The following ZNF385D variants were observed in gnomAD, a reference collection of about 807,000 sequenced individuals.
ZNF385D encodes zinc finger protein 385D.
In ZNF385D, 15 loss-of-function variants were observed where a neutral mutation model predicts 35.8. The observed-to-expected ratio is 0.42, with a 90% CI of 0.28 to 0.64. The LOEUF (loss-of-function observed/expected upper bound fraction) is 0.64. Among genes scored for constraint, ZNF385D ranks in the 30% least tolerant of loss-of-function variants. ZNF385D has a pLI of 0.23. For synonymous variants in ZNF385D, 212 were observed against 186.8 expected (o/e 1.13, Z -1.10); for missense variants, 474 against 494.6 (o/e 0.96, Z 0.39).
At chr3:22,116,496 A>G (rs1163186404) in intron 3 of ZNF385D, among the ~76,000 whole-genome samples, 1 of 152,126 alleles carries the variant, frequency 6.6e-6, no homozygotes, top group African/African-American at 2.4e-5. Context: ...TGTACACAAT[A>G]AAATGTAGTA....
At chr3:21,559,945 A>T (rs143540186) in intron 3 of ZNF385D, among the ~76,000 whole-genome samples, 5 of 152,112 alleles carry the variant, frequency 3.3e-5, no homozygotes, top group Non-Finnish European at 5.9e-5. Flanking sequence ...TGTTTGATCA[A>T]TTCGGCTATT....
At chr3:21,759,888 A>T (rs531715154) in intron 3 of ZNF385D, among the ~76,000 whole-genome samples, 2 of 152,254 alleles carry the variant, frequency 1.3e-5, no homozygotes, top group South Asian at 2.1e-4. Context: ...GATAACAACT[A>T]TCTAGAGTGA....
intron 4 of ZNF385D, among the ~76,000 whole-genome samples, chr3:21,448,487 T>C (rs2125270982): frequency 6.6e-6 from 1 of 152,272 alleles, no homozygotes; most frequent in Non-Finnish European, 1.5e-5. Context: ...TTCAAAGTAG[T>C]TTCCATGTTG....
rs898681178 is a variant in ZNF385D at position 22,193,527 on chromosome 3, A to G, written c.107-24492T>C. ...TATGGGTTAAATGAATTTTAGCAGAATTATTTCCTGTAGAATCTTTACTGT... is the reference window on the plus strand; with the variant it reads ...TATGGGTTAAATGAATTTTAGCAGAGTTATTTCCTGTAGAATCTTTACTGT... On this transcript the variant is annotated intron_variant, in intron 2 of 5. Transcript: ENST00000494108. Among the ~76,000 whole-genome samples the G allele has an allele frequency of 8.5e-5, 13 of 152,194 alleles. No individual in the cohort carries two copies. The East Asian group carries it at 2.5e-3, about 29-fold the overall frequency.
At chr3:21,873,166 T>C (rs911059976) in intron 3 of ZNF385D, among the ~76,000 whole-genome samples, 2 of 152,162 alleles carry the variant, frequency 1.3e-5, no homozygotes, top group Non-Finnish European at 2.9e-5. Flanking sequence ...GATGGAAAGA[T>C]AAAGCTATGG....
chr3:22,255,557 A>T (rs901008195), intron 2 of ZNF385D, among the ~76,000 whole-genome samples: 1 of 151,866 alleles, frequency 6.6e-6, no homozygotes, highest in Middle Eastern at 3.2e-3. Flanking sequence ...AAAGACTTGT[A>T]AAGTTTTTAA....
chr3:22,371,171 G>A (rs1696886639), intron 2 of ZNF385D, among the ~76,000 whole-genome samples: 1 of 152,176 alleles, frequency 6.6e-6, no homozygotes, highest in African/African-American at 2.4e-5. Flanking sequence ...TAGTGTGACT[G>A]AATTACCAGC....
chr3:21,555,983 C>G (rs2062720654), intron 3 of ZNF385D, among the ~76,000 whole-genome samples: 1 of 151,290 alleles, frequency 6.6e-6, no homozygotes, highest in African/African-American at 2.4e-5. Context: ...GCTTTTTTTC[C>G]ATGTTTGTTG....
chr3:21,665,529 G>C (rs1242283955), intron 1 of ZNF385D, among the ~76,000 whole-genome samples: 1 of 152,132 alleles, frequency 6.6e-6, no homozygotes, highest in Non-Finnish European at 1.5e-5. Flanking sequence ...CTCGAACTCA[G>C]GCAGCTGTAC....
At chr3:22,346,263 A>C (rs1695654913) in intron 2 of ZNF385D, among the ~76,000 whole-genome samples, 1 of 139,070 alleles carries the variant, frequency 7.2e-6, no homozygotes, top group African/African-American at 3.4e-5. Flanking sequence ...TTTTTCCTCA[A>C]AGAAATATTC....
At chr3:21,859,277 C>T (rs1257818238) in intron 3 of ZNF385D, among the ~76,000 whole-genome samples, 1 of 152,022 alleles carries the variant, frequency 6.6e-6, no homozygotes, top group Non-Finnish European at 1.5e-5. Flanking sequence ...CCCGCAGATT[C>T]ACTTCTGCTT....
At chr3:21,953,790 C>G (rs1453493797) in intron 3 of ZNF385D, among the ~76,000 whole-genome samples, 3 of 151,872 alleles carry the variant, frequency 2.0e-5, no homozygotes, top group Non-Finnish European at 4.4e-5. Flanking sequence ...CACAAAGATA[C>G]CACTGTAGTG....
chr3:22,217,020 T>C (rs1697931154), intron 2 of ZNF385D, among the ~76,000 whole-genome samples: 1 of 152,146 alleles, frequency 6.6e-6, no homozygotes, highest in African/African-American at 2.4e-5. Flanking sequence ...GCATTAAACA[T>C]TTTAGATTTT....
chr3:22,344,925 C>T (rs1695589805), intron 2 of ZNF385D, among the ~76,000 whole-genome samples: 1 of 152,136 alleles, frequency 6.6e-6, no homozygotes, highest in African/African-American at 2.4e-5. Context: ...AATGTAGTTG[C>T]TCAGCCCTAT....
At chr3:21,676,038 A>C (rs1032626116) in intron 1 of ZNF385D, among the ~76,000 whole-genome samples, 1 of 152,138 alleles carries the variant, frequency 6.6e-6, no homozygotes, top group East Asian at 1.9e-4. Flanking sequence ...TTTCATAAAG[A>C]CCATGGCACA....
At position 22,119,254 on chromosome 3, in the gene ZNF385D, C is replaced by T. The variant is rs184678346; in HGVS notation, c.325+49563G>A. Among the ~76,000 whole-genome samples, 132 of 152,166 alleles carry T rather than the reference C, an allele frequency of 8.7e-4. 2 individuals carry two copies. The Middle Eastern group carries it at 0.02, about 24-fold the overall frequency. On this transcript the variant is annotated intron_variant, in intron 3 of 5. Coordinates refer to the ZNF385D transcript ENST00000494108. ...CTTAACATGGATTAAGAATATAAAT[C>T]AACATCTTCATTACTATAAAATTAG... is the stretch of plus-strand genomic sequence containing the variant.
chr3:21,621,760 CA>C (rs1328216251), intron 2 of ZNF385D, among the ~76,000 whole-genome samples: 1 of 151,928 alleles, frequency 6.6e-6, no homozygotes, highest in East Asian at 1.9e-4. Context: ...CTGAGATACT[CA>C]AGCACATTGG....
chr3:22,170,082 A>G (rs1694307519), intron 2 of ZNF385D, among the ~76,000 whole-genome samples: 1 of 152,216 alleles, frequency 6.6e-6, no homozygotes, highest in South Asian at 2.1e-4. Flanking sequence ...AAGCCTCTCT[A>G]GCACACTATG....
At chr3:22,020,399 G>C (rs533818079) in intron 3 of ZNF385D, among the ~76,000 whole-genome samples, 9 of 151,896 alleles carry the variant, frequency 5.9e-5, no homozygotes, top group African/African-American at 1.9e-4. Context: ...CATAAGACAA[G>C]ATAAGTTCTG....
Sources: gnomAD v4.1 joint callset for allele counts (sites outside exome capture counted in the v4.1 genomes callset) on GRCh38, gnomAD v4.1.1 for gene constraint, MANE v1.5 for transcripts, NCBI Gene and HGNC (gene_info 2026-07-23, HGNC 2026-07-21) for gene names.